EVC2: variants seen among roughly 807,000 people sequenced by gnomAD.
The protein encoded by EVC2 is EvC ciliary complex subunit 2.
A neutral mutation model predicts 149.3 loss-of-function variants in EVC2; 148 were observed. The ratio of observed to expected loss-of-function variants is 0.99; its 90% CI spans 0.87 to 1.14. EVC2 has a LOEUF of 1.14. Ranked by LOEUF, EVC2 falls within the 50% of genes most tolerant of loss-of-function variation. The pLI is 0.00. For missense variants in EVC2, 1,854 were observed against 1,627.3 expected (o/e 1.14, Z -2.40); for synonymous variants, 776 against 649.9 (o/e 1.19, Z -2.95).
In EVC2 at chr4:5,696,066, G is replaced by T. The variant is rs1443038775; in HGVS notation, c.283+1527C>A. On this transcript the variant is annotated intron_variant, in intron 2 of 21. Transcript: ENST00000344408. This position sits in a 1 kb window ranked among gnomAD's most constrained non-coding sequence, Gnocchi z 4.1. Reference sequence around the variant, plus strand: ...GAAACAAGTGGGTGCTCCACCAGGTGAGCGGCTGATTCAGAGCATCGGGAA... The same window carrying T: ...GAAACAAGTGGGTGCTCCACCAGGTTAGCGGCTGATTCAGAGCATCGGGAA... Among the ~76,000 whole-genome samples, 2 of 152,282 alleles carry T rather than the reference G, an allele frequency of 1.3e-5. No individual in the cohort carries two copies. Among genetic ancestry groups the T allele is most frequent in the African/African-American group, 4.8e-5 (2 of 41,576 alleles).
At chr4:5,530,009 T>G in the EVC2 span, among the ~76,000 whole-genome samples, 1 of 152,100 alleles carries the variant, frequency 6.6e-6, no homozygotes, top group Non-Finnish European at 1.5e-5. Context: ...AGAGACGGGA[T>G]TTCGCCATGT....
rs923516607 is a variant in EVC2 at position 5,670,892 on chromosome 4, CCAT to C, written c.871-5246_871-5244del. Among the ~76,000 whole-genome samples, 6 of 152,056 alleles carry C rather than the reference CCAT, an allele frequency of 3.9e-5. No individual in the cohort carries two copies. The highest frequency in any genetic ancestry group is 8.8e-5 in the Non-Finnish European group (6 of 67,998). ...ATCAACATCATCAATATCCCCATCA[CCAT>C]CATCTTCACCATGACCATCACAATC... On this transcript the variant is annotated intron_variant, in intron 7 of 21. Transcript: ENST00000344408. The surrounding 1 kb of genome is among the most constrained non-coding windows in gnomAD (Gnocchi z 5.2).
intron 5 of EVC2, among the ~76,000 whole-genome samples, chr4:5,688,098 G>A (rs749456027): frequency 7.2e-5 from 11 of 152,112 alleles, no homozygotes; most frequent in African/African-American, 2.2e-4. Context: ...AGCACTGAAG[G>A]TCACTTAGCT....
chr4:5,690,504 A>C (rs897071421), intron 4 of EVC2, among the ~76,000 whole-genome samples: 6 of 151,720 alleles, frequency 4.0e-5, no homozygotes, highest in Middle Eastern at 3.2e-3. Flanking sequence ...CTGTACTGAA[A>C]TGACCTCTGG....
chr4:5,594,035 C>T (rs527934161), intron 16 of EVC2, among the ~76,000 whole-genome samples: 1 of 152,186 alleles, frequency 6.6e-6, no homozygotes, highest in Non-Finnish European at 1.5e-5. Context: ...CCCGCCATTG[C>T]CCAGGCTTGC....
chr4:5,641,035 G>C (rs944708562), intron 9 of EVC2, among the ~76,000 whole-genome samples, 197 bp from the exon 10 acceptor site: 4 of 152,038 alleles, frequency 2.6e-5, no homozygotes, highest in East Asian at 1.9e-4. Context: ...AAATTTGTAA[G>C]GTACCATGTG....
At chr4:5,638,396 A>AG (rs34116303) in intron 10 of EVC2, among the ~76,000 whole-genome samples, 1 of 65,658 alleles carries the variant, frequency 1.5e-5, no homozygotes, top group Admixed American at 1.8e-4. Context: ...CTCAAAAAAC[A>AG]AAAAAAAAAA....
At chr4:5,624,688 C>A (rs1715972562) in intron 13 of EVC2, among the ~76,000 whole-genome samples, 1 of 152,218 alleles carries the variant, frequency 6.6e-6, no homozygotes, top group Non-Finnish European at 1.5e-5. Context: ...GAGCCCTGGG[C>A]CCCACTGTTT....
At chr4:5,566,764 C>G (rs1329168358) in intron 20 of EVC2, among the ~76,000 whole-genome samples, 1 of 152,086 alleles carries the variant, frequency 6.6e-6, no homozygotes, top group African/African-American at 2.4e-5. Flanking sequence ...TCTCTCCCCA[C>G]TGGCCTCCCA....
chr4:5,568,952 T>C (rs547870990), intron 19 of EVC2, among the ~76,000 whole-genome samples: 5 of 152,178 alleles, frequency 3.3e-5, no homozygotes, highest in Admixed American at 3.3e-4. Context: ...TACTTTCTCC[T>C]CCTCCTCACA....
chr4:5,628,706 A>G lies in EVC2; in HGVS notation c.1739T>C (p.Phe580Ser). The G allele has an allele frequency of 6.2e-7, 1 of 1,613,498 alleles. No individual in the cohort carries two copies. ...QENVEELMDF[F>S]QASKRYHLSK... ...TAGATGATACCTCTTACTAGCCTGGAAAAAGTCCATTAACTCTTCTACATT... is the reference window on the plus strand; with the variant it reads ...TAGATGATACCTCTTACTAGCCTGGGAAAAGTCCATTAACTCTTCTACATT... The change falls in exon 12 of 22, where the codon TTC becomes TCC. Residue 580 changes from phenylalanine (F) to serine (S), a missense_variant. By Grantham distance (155) the Phe-to-Ser change is radical. Coordinates refer to ENST00000344408, the MANE Select transcript of EVC2 (RefSeq NM_147127.5).
intron 9 of EVC2, among the ~76,000 whole-genome samples, chr4:5,652,527 G>A (rs893381589): frequency 1.3e-5 from 2 of 152,156 alleles, no homozygotes; most frequent in Non-Finnish European, 2.9e-5. Flanking sequence ...CCAGAAGGCC[G>A]AGACGAAGGT....
At position 5,628,636 on chromosome 4, in the gene EVC2, C is replaced by G; in HGVS notation, c.1809G>C (p.Gln603His). ...GGCCCTGCACACGGGTCTCTGATGACTGGAGGTTCTGGACCAGATATTCCC... is the reference window on the plus strand; with the variant it reads ...GGCCCTGCACACGGGTCTCTGATGAGTGGAGGTTCTGGACCAGATATTCCC... ...GHREYLVQNL[Q>H]SSETRVQGLL... The change falls in exon 12 of 22, where the codon CAG becomes CAC. Residue 603 changes from glutamine (Q) to histidine (H), a missense_variant. Gln to His is a conservative substitution (Grantham distance 24). Coordinates refer to ENST00000344408, the MANE Select transcript of EVC2 (RefSeq NM_147127.5). The G allele has an allele frequency of 1.9e-6, 3 of 1,613,932 alleles. No homozygotes were observed. The highest frequency in any genetic ancestry group is 1.7e-6 in the Non-Finnish European group (2 of 1,179,986).
intron 17 of EVC2, among the ~76,000 whole-genome samples, chr4:5,580,939 G>A (rs1218734373): frequency 1.3e-5 from 2 of 152,114 alleles, no homozygotes; most frequent in Non-Finnish European, 2.9e-5. Flanking sequence ...GAGTTGTAGT[G>A]AGATCTGGTT....
chr4:5,639,124 G>T (rs755969045), intron 10 of EVC2, among the ~76,000 whole-genome samples: 2 of 152,090 alleles, frequency 1.3e-5, no homozygotes, highest in Non-Finnish European at 1.5e-5. Flanking sequence ...TCTGACCACA[G>T]ATGACCATCT....
chr4:5,681,302 CTG>C lies in EVC2; in HGVS notation c.826_827del (p.Gln276AlafsTer64), dbSNP rs758841632. ...CTGTTATGGAAAAAAGCACTTTCAG[CTG>C]TGTTCTGTTCTAGAAAAGGAAAAAA... The part of the protein sequence containing the change: ...TFQSSSRNRT[Q>X]LKVLFSITAE... On this transcript the variant is annotated frameshift_variant, in exon 7 of 22. Coordinates refer to ENST00000344408, the MANE Select transcript of EVC2 (RefSeq NM_147127.5). LOFTEE classifies it high-confidence loss of function. The C allele has an allele frequency of 6.2e-7, 1 of 1,614,242 alleles. No individual in the cohort carries two copies. Among genetic ancestry groups the C allele is most frequent in the South Asian group, 1.1e-5 (1 of 91,082 alleles).
intron 1 of EVC2, among the ~76,000 whole-genome samples, chr4:5,700,574 A>G (rs1315364225): frequency 1.3e-5 from 2 of 152,100 alleles, no homozygotes; most frequent in African/African-American, 2.4e-5. Flanking sequence ...GGAGCAAAGG[A>G]CCCAGGCTGA....
chr4:5,552,330 C>T (rs1325044932), intron 21 of EVC2, among the ~76,000 whole-genome samples: 2 of 152,154 alleles, frequency 1.3e-5, no homozygotes, highest in African/African-American at 2.4e-5. Context: ...ATAACTAATA[C>T]ATTTTTATTT....
At chr4:5,664,916 C>T (rs531235120) in intron 8 of EVC2, among the ~76,000 whole-genome samples, 2 of 150,526 alleles carry the variant, frequency 1.3e-5, no homozygotes, top group Non-Finnish European at 3.0e-5. Flanking sequence ...TGATGGGGTG[C>T]GTGTGGGTGA....
Sources: gnomAD v4.1 joint callset for allele counts (sites outside exome capture counted in the v4.1 genomes callset) on GRCh38, gnomAD v4.1.1 for gene constraint, Gnocchi (gnomAD v3.1) non-coding constraint, MANE v1.5 for transcripts, NCBI Gene and HGNC (gene_info 2026-07-23, HGNC 2026-07-21) for gene names.